The following MYH13 variants were observed in gnomAD, a reference collection of about 807,000 sequenced individuals.
The protein encoded by MYH13 is myosin-13.
Under a neutral mutation model 232.1 loss-of-function variants are expected in MYH13, and 177 were observed. That is an observed-to-expected ratio of 0.76 (90% CI 0.67 to 0.86). The LOEUF is 0.86. Among genes scored for constraint, MYH13 ranks in the 40% least tolerant of loss-of-function variants. MYH13 has a pLI of 0.00. For synonymous variants in MYH13, 884 were observed against 923.5 expected (o/e 0.96, Z 0.78); for missense variants, 2,246 against 2,405.9 (o/e 0.93, Z 1.39).
At chr17:10,321,349 G>C (rs1305665769) in intron 24 of MYH13, among the ~76,000 whole-genome samples, 183 bp downstream of exon 24, 1 of 152,148 alleles carries the variant, frequency 6.6e-6, no homozygotes, top group East Asian at 1.9e-4. Flanking sequence ...CTGAGGCTTT[G>C]CAAGGGTAAG....
rs1169641782 is a variant in MYH13, at chr17:10,357,761, C to A, written c.712G>T (p.Val238Leu). 2 of 1,613,744 alleles carry A rather than the reference C, an allele frequency of 1.2e-6. No individual in the cohort carries two copies. Among genetic ancestry groups the A allele is most frequent in the Non-Finnish European group, 1.7e-6 (2 of 1,179,840 alleles). The change falls in exon 8 of 41, where the codon GTG becomes TTG. Residue 238 changes from valine (V) to leucine (L), a missense_variant. Coordinates refer to ENST00000252172, the MANE Select transcript of MYH13 (RefSeq NM_003802.3). ...LLEAFGNAKT[V>L]RNDNSSRFGK... ...AATCTTGAGGAGTTGTCATTCCTCA[C>A]AGTCTTGGCATTTCCAAAGGCCTCC...
At chr17:10,323,790 GAAGAAGAAGA>G (rs1907086888) in intron 23 of MYH13, among the ~76,000 whole-genome samples, 1 of 35,970 alleles carries the variant, frequency 2.8e-5, no homozygotes, top group Non-Finnish European at 5.9e-5. Context: ...AAAAAAAAAA[GAAGAAGAAGA>G]AGAAGAAGAA....
At position 10,301,744 on chromosome 17, in the gene MYH13, T is replaced by G. The variant is rs376196571; in HGVS notation, c.5668-41A>C. 224 of 1,606,160 alleles carry G rather than the reference T, an allele frequency of 1.4e-4. 1 individual carries two copies. The highest frequency in any genetic ancestry group is 1.7e-4 in the Non-Finnish European group (198 of 1,177,484). On this transcript the variant is annotated intron_variant, in intron 39 of 40. Transcript: ENST00000252172. ...AGGGGGTATGACGCTGTAGAGCCTC[T>G]CAGTCCGATTATGAGGTGCCCTGTC...
In MYH13 at chr17:10,304,768, T is replaced by C. The variant is rs144736634; in HGVS notation, c.5467-1270A>G. Among the ~76,000 whole-genome samples the C allele has an allele frequency of 6.6e-6, 1 of 152,364 alleles. No individual in the cohort carries two copies. Among genetic ancestry groups the C allele is most frequent in the East Asian group, 1.9e-4 (1 of 5,184 alleles). On this transcript the variant is annotated intron_variant, in intron 37 of 40. Transcript: ENST00000252172. The surrounding 1 kb of genome is among the most constrained non-coding windows in gnomAD (Gnocchi z 5.3). The stretch of plus-strand genomic sequence containing the variant: ...AAAGTATGTGAAAGTATTGTTAGAA[T>C]GACAAAGCACTACACAGGTGTTGTT...
Position 10,332,178 on chromosome 17 carries a change from A to C in MYH13, c.2219T>G (p.Ile740Ser). The C allele has an allele frequency of 6.2e-7, 1 of 1,613,998 alleles. No homozygotes were observed. The highest frequency in any genetic ancestry group is 8.5e-7 in the Non-Finnish European group (1 of 1,179,880). ...NASAIPEGQF[I>S]DSKNASEKLL... ...CTTCTCTGAGGCATTTTTGCTGTCAATGAACTGCCCTTCAGGGATAGCACT... is the reference window on the plus strand; with the variant it reads ...CTTCTCTGAGGCATTTTTGCTGTCACTGAACTGCCCTTCAGGGATAGCACT... Residue 740 changes from isoleucine to serine, a missense_variant, in exon 20 of 41, where the codon ATT becomes AGT. By Grantham distance (142) the Ile-to-Ser change is moderately radical (BLOSUM62 -2). Coordinates refer to ENST00000252172, the MANE Select transcript of MYH13 (RefSeq NM_003802.3).
intron 23 of MYH13, among the ~76,000 whole-genome samples, chr17:10,323,417 G>A (rs1907051268): frequency 6.6e-6 from 1 of 152,026 alleles, no homozygotes; most frequent in Non-Finnish European, 1.5e-5. Context: ...ATATGAAACA[G>A]TCCTTCCTCT....
chr17:10,328,265 C>A, intron 21 of MYH13, 144 bp from the exon 22 acceptor site: 1 of 897,404 alleles, frequency 1.1e-6, no homozygotes, highest in South Asian at 1.7e-5. Context: ...TCCTCTGGAT[C>A]CAGAGTAGGT....
chr17:10,302,823 C>A (rs1408749902), intron 39 of MYH13, among the ~76,000 whole-genome samples: 1 of 151,800 alleles, frequency 6.6e-6, no homozygotes, highest in Non-Finnish European at 1.5e-5. Context: ...TGAGGTATCT[C>A]AGGTCAGGTC....
chr17:10,345,880 C>T (rs1280633224), intron 13 of MYH13, among the ~76,000 whole-genome samples: 2 of 148,618 alleles, frequency 1.3e-5, no homozygotes, highest in African/African-American at 5.0e-5. Context: ...GTAGTCCCAG[C>T]TATTCGGGAG....
Position 10,345,719 on chromosome 17 carries a change from G to A in MYH13, c.1264-103C>T, listed in dbSNP as rs922976992. On this transcript the variant is annotated intron_variant, in intron 13 of 40. Transcript: ENST00000252172. ...TCGAAAATCAAAAGCTGTTGGCTAG[G>A]CGTGGTGGCTCACACCTGTAATCCC... The A allele has an allele frequency of 4.5e-5, 71 of 1,591,654 alleles. No individual in the cohort carries two copies. The South Asian group carries it at 5.2e-4, about 12-fold the overall frequency.
intron 20 of MYH13, among the ~76,000 whole-genome samples, chr17:10,331,513 A>G (rs1907407487): frequency 6.6e-6 from 1 of 152,182 alleles, no homozygotes; most frequent in African/African-American, 2.4e-5. Flanking sequence ...GAGTCAGTGA[A>G]GTACGTGCAG....
At chr17:10,348,557 A>G (rs2071685212) in intron 12 of MYH13, among the ~76,000 whole-genome samples, 1 of 152,202 alleles carries the variant, frequency 6.6e-6, no homozygotes, top group Non-Finnish European at 1.5e-5. Context: ...GGCCTTGATT[A>G]TAGTCCTCCA....
At chr17:10,320,766 T>C (rs576652571) in intron 24 of MYH13, among the ~76,000 whole-genome samples, 7 of 152,200 alleles carry the variant, frequency 4.6e-5, no homozygotes, top group Non-Finnish European at 8.8e-5. Flanking sequence ...CCAGACTATG[T>C]TCCCTGTAGG....
rs962371377 is a variant in MYH13, at chr17:10,319,017, T to G, written c.3511A>C (p.Arg1171=). 1 of 1,614,006 alleles carries G rather than the reference T, an allele frequency of 6.2e-7. No homozygotes were observed. Among genetic ancestry groups the G allele is most frequent in the Non-Finnish European group, 8.5e-7 (1 of 1,180,040 alleles). Residue 1171 remains arginine (R), a synonymous_variant, in exon 27 of 41, where the codon AGG becomes CGG. Coordinates refer to ENST00000252172, the MANE Select transcript of MYH13 (RefSeq NM_003802.3). The stretch of plus-strand genomic sequence containing the variant: ...CGCATTTTCTGGAACTCAGCCTCCC[T>G]CTTCTTGTTCATCTCAATCTGGGCT... ...TSAQIEMNKK[R]EAEFQKMRRD... is the part of the protein sequence containing the mutation.
intron 20 of MYH13, 36 bp downstream of exon 20, chr17:10,332,063 G>C: frequency 6.2e-7 from 1 of 1,611,772 alleles, no homozygotes; most frequent in Admixed American, 1.7e-5. Flanking sequence ...AGGGCTGTGG[G>C]GTTACTAGGG....
In MYH13 at chr17:10,321,597, C is replaced by G. The variant is rs371261346; in HGVS notation, c.3046G>C (p.Val1016Leu). ...AGACCATTGACTTTATCTTCTTCCA[C>G]CTGAAGATCATCCAGTGTTTGCTGA... ...AHQQTLDDLQ[V>L]EEDKVNGLIK... Residue 1016 changes from valine to leucine, a missense_variant, in exon 24 of 41, where the codon GTG (valine) becomes CTG (leucine). Coordinates refer to ENST00000252172, the MANE Select transcript of MYH13 (RefSeq NM_003802.3). 2 of 1,613,582 alleles carry G rather than the reference C, an allele frequency of 1.2e-6. No individual in the cohort carries two copies. The highest frequency in any genetic ancestry group is 2.7e-5 in the African/African-American group (2 of 74,922).
rs772775694 is a variant in MYH13, at chr17:10,313,306, C to T, written c.4033G>A (p.Asp1345Asn). 1 of 1,614,150 alleles carries T rather than the reference C, an allele frequency of 6.2e-7. No homozygotes were observed. The highest frequency in any genetic ancestry group is 8.5e-7 in the Non-Finnish European group (1 of 1,180,060). ...TCCTCATACTGTTCCCGCAGCAGGT[C>T]ACAGTCGTGGCGGGAGGACTGCAGG... The part of the protein sequence containing the change: ...HALQSSRHDC[D>N]LLREQYEEEQ... Residue 1345 changes from aspartate (D) to asparagine (N), a missense_variant, in exon 30 of 41, where the codon GAC becomes AAC. Coordinates refer to ENST00000252172, the MANE Select transcript of MYH13 (RefSeq NM_003802.3).
chr17:10,321,881 A>G (rs1014709004), intron 23 of MYH13, among the ~76,000 whole-genome samples, 173 bp from the exon 24 acceptor site: 7 of 152,142 alleles, frequency 4.6e-5, no homozygotes, highest in Middle Eastern at 3.2e-3. Context: ...TTAACGGTCT[A>G]TCATGGTGCC....
At chr17:10,312,266 C>T (rs779617074) in intron 31 of MYH13, among the ~76,000 whole-genome samples, 190 bp from the exon 32 acceptor site, 1 of 152,192 alleles carries the variant, frequency 6.6e-6, no homozygotes, top group African/African-American at 2.4e-5. Flanking sequence ...CTGCTGCATT[C>T]TCACAGACAT....
Sources: allele counts gnomAD v4.1 joint callset (sites outside exome capture counted in the v4.1 genomes callset), GRCh38; gene constraint gnomAD v4.1.1; non-coding constraint Gnocchi (gnomAD v3.1); transcripts MANE v1.5; gene names NCBI Gene and HGNC (gene_info 2026-07-23, HGNC 2026-07-21).